Variants in MYO1F observed in about 807,000 individuals in gnomAD.
MYO1F encodes unconventional myosin-If.
MYO1F carries 60 observed loss-of-function variants against 146.6 expected under a neutral mutation model. The ratio of observed to expected loss-of-function variants is 0.41; its 90% CI spans 0.33 to 0.51. The LOEUF is 0.51. Among genes scored for constraint, MYO1F ranks in the 20% least tolerant of loss-of-function variants. The probability of loss-of-function intolerance (pLI) is 0.25; values close to 1 mark genes in which losing one functional copy is unlikely to be tolerated. For synonymous variants in MYO1F, 602 were observed against 602.1 expected (o/e 1.00, Z 0.00); for missense variants, 1,274 against 1,534.3 (o/e 0.83, Z 2.83).
At chr19:8,567,110 G>A (rs935057443) in intron 1 of MYO1F, among the ~76,000 whole-genome samples, 1 of 146,324 alleles carries the variant, frequency 6.8e-6, no homozygotes, top group Admixed American at 6.9e-5. Flanking sequence ...CGCCCAGGCT[G>A]GAATGCAGTG....
chr19:8,542,013 A>G, intron 14 of MYO1F, 22 bp from the exon 15 acceptor site: 2 of 1,601,944 alleles, frequency 1.2e-6, no homozygotes, highest in Non-Finnish European at 1.7e-6. Context: ...AGTGCTGAGG[A>G]CAGTGAGGGA....
At chr19:8,564,865 C>T (rs906652949) in intron 1 of MYO1F, among the ~76,000 whole-genome samples, 2 of 151,896 alleles carry the variant, frequency 1.3e-5, no homozygotes, top group Non-Finnish European at 2.9e-5. Context: ...CTCCGCCTCC[C>T]GGGTTCAAGT....
chr19:8,574,648 T>TTC (rs557487405), intron 1 of MYO1F, among the ~76,000 whole-genome samples: 718 of 50,928 alleles, frequency 0.014, 23 homozygotes, highest in East Asian at 0.14. Context: ...TTTCTTTCCT[T>TTC]TCTTTCTCTT....
chr19:8,540,191 G>GT, intron 15 of MYO1F, 163 bp from the exon 16 acceptor site: 1 of 581,058 alleles, frequency 1.7e-6, no homozygotes, highest in Non-Finnish European at 3.0e-6. Flanking sequence ...TTTTTGGTTT[G>GT]TTTTTTGAGG....
Position 8,541,907 on chromosome 19 carries a change from G to C in MYO1F, c.1609C>G (p.Gln537Glu). ...GTCCCCATGCCTGGGACCACTCACT[G>C]CTCACTGGTCTGCATCAGCTCTATG... is the stretch of plus-strand genomic sequence containing the variant. ...DLIELMQTSE[Q>E]AFLRMLFPEK... The change falls in exon 15 of 28, where the codon CAG becomes GAG. Residue 537 changes from glutamine to glutamate, a missense_variant and splice_region_variant. By Grantham distance (29) the Gln-to-Glu change is conservative. Around this residue, in one of 2 missense-constraint regions of MYO1F, gnomAD observed 900 missense variants for 1,155.1 expected, o/e 0.78. Transcript: ENST00000644032. 1 of 1,612,942 alleles carries C rather than the reference G, an allele frequency of 6.2e-7. No homozygotes were observed. Among genetic ancestry groups the C allele is most frequent in the South Asian group, 1.1e-5 (1 of 91,068 alleles).
intron 1 of MYO1F, among the ~76,000 whole-genome samples, chr19:8,571,512 T>G (rs1469428589): frequency 3.3e-5 from 5 of 152,010 alleles, no homozygotes; most frequent in Non-Finnish European, 7.4e-5. Context: ...CCTCCTGGGT[T>G]CAAGCGATTC....
chr19:8,526,099 C>T (rs996791606), intron 24 of MYO1F, among the ~76,000 whole-genome samples: 1 of 152,152 alleles, frequency 6.6e-6, no homozygotes, highest in Non-Finnish European at 1.5e-5. Context: ...GAGGCCGAGG[C>T]GGGTGGAGCA....
At chr19:8,544,203 C>G in intron 14 of MYO1F, 94 bp downstream of exon 14, 1 of 1,386,210 alleles carries the variant, frequency 7.2e-7, no homozygotes, top group Non-Finnish European at 1.0e-6. Flanking sequence ...CTAGCAGGCT[C>G]TTTCCAGCCT....
chr19:8,575,364 C>T (rs1054475735), intron 1 of MYO1F, among the ~76,000 whole-genome samples: 10 of 152,068 alleles, frequency 6.6e-5, no homozygotes, highest in South Asian at 4.1e-4. Context: ...TGTGAGCCAC[C>T]GCACCCGGCC....
intron 12 of MYO1F, 31 bp downstream of exon 12, chr19:8,548,005 A>T: frequency 1.3e-6 from 1 of 749,028 alleles, no homozygotes. Flanking sequence ...CCACCCCAGG[A>T]TCCCCCATCC....
intron 16 of MYO1F, among the ~76,000 whole-genome samples, chr19:8,537,940 G>A (rs1194731945): frequency 6.6e-6 from 1 of 151,098 alleles, no homozygotes; most frequent in African/African-American, 2.4e-5. Context: ...TGCCTGAGAG[G>A]TTTGCCTTGG....
chr19:8,568,643 C>T (rs769634773), intron 1 of MYO1F, among the ~76,000 whole-genome samples: 5 of 151,848 alleles, frequency 3.3e-5, no homozygotes, highest in Admixed American at 1.3e-4. Context: ...TGGATTTGGC[C>T]GCGCATGGTG....
intron 15 of MYO1F, chr19:8,540,320 T>G (rs1199903053): frequency 1.3e-5 from 4 of 303,324 alleles, no homozygotes; most frequent in Non-Finnish European, 2.4e-5. Flanking sequence ...AATTGTACAT[T>G]TCATTTCATT....
intron 13 of MYO1F, 44 bp from the exon 14 acceptor site, chr19:8,544,508 C>T (rs748085282): frequency 1.3e-6 from 2 of 1,557,254 alleles, no homozygotes; most frequent in East Asian, 2.4e-5. Flanking sequence ...TTTGGTCTGC[C>T]TTGCCTCCCC....
rs1395341830 is a variant in MYO1F, at chr19:8,526,504, C to T, written c.2719G>A (p.Gly907Ser). 2 of 1,579,218 alleles carry T rather than the reference C, an allele frequency of 1.3e-6. No individual in the cohort carries two copies. Among genetic ancestry groups the T allele is most frequent in the Non-Finnish European group, 1.7e-6 (2 of 1,163,742 alleles). ...ACGCTGACCGTGAGGGTCCGACCGC[C>T]AACCTTGAGCACTGCCAAGTCGCCG... is the stretch of plus-strand genomic sequence containing the variant. Reference protein sequence around the residue: ...GFGDLAVLKVGGRTLTVSVGD... With the variant: ...GFGDLAVLKVSGRTLTVSVGD... The change falls in exon 24 of 28, where the codon GGC becomes AGC. Residue 907 changes from glycine to serine, a missense_variant. Gly to Ser is a moderately conservative substitution (Grantham distance 56). Around this residue, in one of 2 missense-constraint regions of MYO1F, gnomAD observed 374 missense variants for 379.2 expected, o/e 0.99. Coordinates refer to ENST00000644032, the MANE Select transcript of MYO1F (RefSeq NM_012335.4).
In MYO1F at chr19:8,550,359, A is replaced by G. The variant is rs1480432415; in HGVS notation, c.905-3T>C. 2 of 1,609,462 alleles carry G rather than the reference A, an allele frequency of 1.2e-6. No individual in the cohort carries two copies. Among genetic ancestry groups the G allele is most frequent in the African/African-American group, 2.7e-5 (2 of 74,812 alleles). ...CAGGTAGGCGGGAAAGGCCAGGACT[A>G]CCAGGGCAAAGGTCAGGGCAAAAAT... On this transcript the variant is annotated splice_polypyrimidine_tract_variant and splice_region_variant and intron_variant, in intron 9 of 27. Coordinates refer to ENST00000644032, the MANE Select transcript of MYO1F (RefSeq NM_012335.4).
In MYO1F at chr19:8,521,176, A is replaced by ACC. The variant is rs34276116; in HGVS notation, c.*350_*351dup. On this transcript the variant is annotated 3_prime_UTR_variant, in exon 28 of 28. Coordinates refer to ENST00000644032, the MANE Select transcript of MYO1F (RefSeq NM_012335.4). Reference sequence around the variant, plus strand: ...ATGAGCAAAGTCACGCTTGTTAAGGACCCCCCCCTCCCCAACTGTGCCTGG... The same window carrying ACC: ...ATGAGCAAAGTCACGCTTGTTAAGGACCCCCCCCCCTCCCCAACTGTGCCTGG... The ACC allele has an allele frequency of 5.4e-6, 2 of 371,862 alleles. No homozygotes were observed. Among genetic ancestry groups the ACC allele is most frequent in the Admixed American group, 7.7e-5 (2 of 25,908 alleles). 23.0% of individuals were successfully genotyped at this position (371,862 alleles called of 1,614,324 possible).
rs2145818129 is a variant in MYO1F at position 8,522,393 on chromosome 19, A to G, written c.3204T>C (p.Ile1068=). 2 of 1,613,982 alleles carry G rather than the reference A, an allele frequency of 1.2e-6. No homozygotes were observed. The highest frequency in any genetic ancestry group is 8.5e-7 in the Non-Finnish European group (1 of 1,179,938). Residue 1068 remains isoleucine, a synonymous_variant, in exon 27 of 28, where the codon ATT becomes ATC. Coordinates refer to ENST00000644032, the MANE Select transcript of MYO1F (RefSeq NM_012335.4). ...TACACACACCTTCCATGAGGATCTC[A>G]ATGACCTCGTTCACGTTGAAGCTCA... ...DELSFNVNEV[I]EILMEDPSGW...
intron 12 of MYO1F, 137 bp downstream of exon 12, chr19:8,547,898 GC>G (rs1973434806): frequency 1.3e-6 from 1 of 768,904 alleles, no homozygotes; most frequent in African/African-American, 1.7e-5. Flanking sequence ...TCACTATGGA[GC>G]CTGGGTAGGT....
Sources: allele counts gnomAD v4.1 joint callset (sites outside exome capture counted in the v4.1 genomes callset), GRCh38; gene constraint gnomAD v4.1.1; regional missense constraint gnomAD v4.1.1; transcripts MANE v1.5; gene names NCBI Gene and HGNC (gene_info 2026-07-23, HGNC 2026-07-21).